SEZ6: variants seen among roughly 807,000 people sequenced by gnomAD.
SEZ6 encodes seizure protein 6 homolog.
Under a neutral mutation model 101.0 loss-of-function variants are expected in SEZ6, and 53 were observed. The ratio of observed to expected loss-of-function variants is 0.52; its 90% CI spans 0.42 to 0.66. The LOEUF is 0.66. Among genes scored for constraint, SEZ6 ranks in the 30% least tolerant of loss-of-function variants. SEZ6 has a pLI of 0.00. For missense variants in SEZ6, 1,102 were observed against 1,289.4 expected (o/e 0.85, Z 2.23); for synonymous variants, 488 against 512.2 (o/e 0.95, Z 0.64).
At chr17:28,966,643 G>C (rs1257040782) in intron 4 of SEZ6, among the ~76,000 whole-genome samples, 4 of 152,162 alleles carry the variant, frequency 2.6e-5, no homozygotes, top group African/African-American at 9.7e-5. Context: ...CTTGGGGTAG[G>C]GGGCAGCCCC....
intron 3 of SEZ6, among the ~76,000 whole-genome samples, chr17:28,972,700 A>G (rs183784957): frequency 6.6e-6 from 1 of 152,320 alleles, no homozygotes; most frequent in Admixed American, 6.5e-5. Flanking sequence ...AGATTCTGTG[A>G]TTCTAGAGTT....
chr17:28,992,867 T>C (rs964434599), intron 1 of SEZ6, among the ~76,000 whole-genome samples: 3 of 151,910 alleles, frequency 2.0e-5, no homozygotes, highest in Admixed American at 6.5e-5. Flanking sequence ...GGAGAGGTGA[T>C]GAATGAGGCC....
intron 1 of SEZ6, among the ~76,000 whole-genome samples, chr17:28,994,979 TCTC>T (rs1354149562): frequency 2.7e-5 from 4 of 150,126 alleles, no homozygotes; most frequent in Non-Finnish European, 5.9e-5. Flanking sequence ...TTCACTCCGT[TCTC>T]CTGCCTCAGC....
chr17:28,959,062 C>T lies in SEZ6; in HGVS notation c.2070G>A (p.Val690=). ...TGACGAAGCCCTGCTGGTAGCCCAG[C>T]ACTGAGGTCCCGGGGTCCGACTGGA... ...IQFQSDPGTS[V]LGYQQGFVIH... is the part of the protein sequence containing the mutation. Residue 690 remains valine (V), a synonymous_variant, in exon 10 of 17, where the codon GTG becomes GTA. Coordinates refer to ENST00000317338, the MANE Select transcript of SEZ6 (RefSeq NM_178860.5). This position sits in a 1 kb window ranked among gnomAD's most constrained non-coding sequence, Gnocchi z 4.4. The T allele has an allele frequency of 1.2e-6, 2 of 1,613,864 alleles. No individual in the cohort carries two copies. The highest frequency in any genetic ancestry group is 1.7e-6 in the Non-Finnish European group (2 of 1,179,790).
rs139422004 is a variant in SEZ6 at position 28,992,399 on chromosome 17, G to GGT, written c.56-10362_56-10361dup. 3.5e-3 allele frequency among the ~76,000 whole-genome samples: 525 copies of GGT among 151,546 alleles called. 2 individuals are homozygous for GGT. Among genetic ancestry groups the GGT allele is most frequent in the African/African-American group, 8.1e-3 (335 of 41,348 alleles). ...GGGCGTACGTGTGTGCATGAGACCG[G>GGT]GTGTGTGTGTGTGTGTTCAAGTGCA... On this transcript the variant is annotated intron_variant, in intron 1 of 16. Coordinates refer to ENST00000317338, the MANE Select transcript of SEZ6 (RefSeq NM_178860.5).
At position 28,960,938 on chromosome 17, in the gene SEZ6, C is replaced by T. The variant is rs781313150; in HGVS notation, c.1276G>A (p.Gly426Ser). Reference protein sequence around the residue: ...CGGVIRNATTGRIVSPGFPGN... With the variant: ...CGGVIRNATTSRIVSPGFPGN... ...GGGAAGCCTGGAGAGACGATGCGGC[C>T]GGTGGTGGCATTGCGGATCACTCCG... Residue 426 changes from glycine to serine, a missense_variant, in exon 6 of 17, where the codon GGC (glycine) becomes AGC (serine). Physicochemically the swap from Gly to Ser is moderately conservative, Grantham distance 56 (BLOSUM62 0). Around this residue, in one of 3 missense-constraint regions of SEZ6, gnomAD observed 556 missense variants for 735.1 expected, o/e 0.76. Coordinates refer to ENST00000317338, the MANE Select transcript of SEZ6 (RefSeq NM_178860.5). The T allele has an allele frequency of 1.2e-5, 20 of 1,613,658 alleles. No homozygotes were observed. Among genetic ancestry groups the T allele is most frequent in the Non-Finnish European group, 1.5e-5 (18 of 1,179,834 alleles).
At chr17:28,998,269 A>G (rs1303962954) in intron 1 of SEZ6, among the ~76,000 whole-genome samples, 1 of 151,772 alleles carries the variant, frequency 6.6e-6, no homozygotes, top group South Asian at 2.1e-4. Flanking sequence ...TTTCACAGTA[A>G]CCCCAAGTTC....
Position 28,960,821 on chromosome 17 carries a change from C to T in SEZ6, c.1393G>A (p.Ala465Thr). 1.2e-6 allele frequency: 2 copies of T among 1,613,882 alleles called. No individual in the cohort carries two copies. Among genetic ancestry groups the T allele is most frequent in the Non-Finnish European group, 1.7e-6 (2 of 1,179,820 alleles). ...GCCCCTCACCTGTCATCATCCTCTG[C>T]CAGGGAAACCTTCTCAAAGTGCAGG... ...LHLHFEKVSL[A>T]EDDDRLIIRN... Residue 465 changes from alanine (A) to threonine (T), a missense_variant, in exon 6 of 17, where the codon GCA becomes ACA. Physicochemically the swap from Ala to Thr is moderately conservative, Grantham distance 58. Transcript: ENST00000317338.
chr17:28,960,717 A>G (rs1276961628), intron 6 of SEZ6, 46 bp from the exon 7 acceptor site: 2 of 1,612,354 alleles, frequency 1.2e-6, no homozygotes, highest in Non-Finnish European at 1.7e-6. Context: ...GCTGACCCAG[A>G]TGGGGTGTGG....
chr17:28,969,737 T>C lies in SEZ6; in HGVS notation c.1054+20A>G, dbSNP rs368542024. 13 of 1,458,644 alleles carry C rather than the reference T, an allele frequency of 8.9e-6. No individual in the cohort carries two copies. In the Middle Eastern group the frequency reaches 5.5e-4, roughly 62 times the overall value. The allele number at this position is 1,458,644 out of a possible 1,614,324, so 90.4% of individuals were successfully genotyped here. A position where few individuals can be genotyped will look rare whatever the true frequency, so the allele number is the denominator to read the frequency against. ...GCAGCGAGTCTGGGCTGGTTCCACCTTCAACTACCCAGGCCTTACCTTGGT... is the reference window on the plus strand; with the variant it reads ...GCAGCGAGTCTGGGCTGGTTCCACCCTCAACTACCCAGGCCTTACCTTGGT... On this transcript the variant is annotated intron_variant, in intron 4 of 16. Transcript: ENST00000317338.
chr17:28,969,957 C>T lies in SEZ6; in HGVS notation c.859-5G>A. Reference sequence around the variant, plus strand: ...CCGGAGGCTGATATTCTGGACCTGTCAGTAGAGTAGAGAGAGAAAAGCAAA... The same window carrying T: ...CCGGAGGCTGATATTCTGGACCTGTTAGTAGAGTAGAGAGAGAAAAGCAAA... On this transcript the variant is annotated splice_region_variant and splice_polypyrimidine_tract_variant and intron_variant, in intron 3 of 16. Coordinates refer to ENST00000317338, the MANE Select transcript of SEZ6 (RefSeq NM_178860.5). 1 of 1,527,130 alleles carries T rather than the reference C, an allele frequency of 6.5e-7. No individual in the cohort carries two copies. The highest frequency in any genetic ancestry group is 8.7e-7 in the Non-Finnish European group (1 of 1,149,248). The allele number at this position is 1,527,130 out of a possible 1,614,324, so 94.6% of individuals were successfully genotyped here. A position where few individuals can be genotyped will look rare whatever the true frequency, so the allele number is the denominator to read the frequency against.
chr17:29,002,815 CG>C (rs1277191835), intron 1 of SEZ6, among the ~76,000 whole-genome samples: 1 of 152,214 alleles, frequency 6.6e-6, no homozygotes, highest in African/African-American at 2.4e-5. Flanking sequence ...AGGCAGCCCT[CG>C]TTTGTTAACC....
In SEZ6 at chr17:28,956,444, T is replaced by G; in HGVS notation, c.2755A>C (p.Ser919Arg). Residue 919 changes from serine (S) to arginine (R), a missense_variant, in exon 15 of 17, where the codon AGC becomes CGC. Transcript: ENST00000317338. ...GCAATGTGGGCAGCATCCAGGGTGC[T>G]GGAGGCAGCAGGTGCCTTGGCAACT... is the stretch of plus-strand genomic sequence containing the variant. ...LDVAKAPAAS[S>R]TLDAAHIAAA... The G allele has an allele frequency of 6.4e-7, 1 of 1,558,676 alleles. No homozygotes were observed. Among genetic ancestry groups the G allele is most frequent in the East Asian group, 2.4e-5 (1 of 41,580 alleles).
rs1393733772 is a variant in SEZ6, at chr17:28,969,918, A to G, written c.893T>C (p.Val298Ala). 1 of 1,544,782 alleles carries G rather than the reference A, an allele frequency of 6.5e-7. No homozygotes were observed. The highest frequency in any genetic ancestry group is 1.2e-5 in the South Asian group (1 of 80,498). Residue 298 changes from valine to alanine, a missense_variant, in exon 4 of 17, where the codon GTG becomes GCG. By Grantham distance (64) the Val-to-Ala change is moderately conservative. Around this residue, in one of 3 missense-constraint regions of SEZ6, gnomAD observed 406 missense variants for 418.6 expected, o/e 0.97. Transcript: ENST00000317338. ...QNISLREGET[V>A]TVEGLGGPDP... Reference sequence around the variant, plus strand: ...AGGCCCCCCCAGGCCTTCCACAGTCACTGTCTCCCCTTCCCGGAGGCTGAT... The same window carrying G: ...AGGCCCCCCCAGGCCTTCCACAGTCGCTGTCTCCCCTTCCCGGAGGCTGAT...
intron 1 of SEZ6, among the ~76,000 whole-genome samples, chr17:29,000,850 C>G (rs1044897781): frequency 1.3e-5 from 2 of 152,068 alleles, no homozygotes. Context: ...GTCAGGAATC[C>G]TGGGCTTTAC....
intron 2 of SEZ6, among the ~76,000 whole-genome samples, chr17:28,980,738 A>G (rs374753451): frequency 4.9e-4 from 74 of 151,618 alleles, no homozygotes; most frequent in African/African-American, 1.7e-3. Flanking sequence ...TTCTGATGTC[A>G]GGTGATCCAC....
chr17:28,993,127 C>T (rs1017910824), intron 1 of SEZ6, among the ~76,000 whole-genome samples: 2 of 152,074 alleles, frequency 1.3e-5, no homozygotes, highest in Non-Finnish European at 2.9e-5. Context: ...TTGGCATCAC[C>T]CCTCACCAGT....
At chr17:28,958,961 C>T (rs2040928023) in intron 10 of SEZ6, 64 bp downstream of exon 10, 1 of 1,531,590 alleles carries the variant, frequency 6.5e-7, no homozygotes, top group Non-Finnish European at 8.8e-7. Context: ...ACCTCACTGC[C>T]CTAGCCTCTT....
chr17:28,990,301 T>A (rs1259391430), intron 1 of SEZ6, among the ~76,000 whole-genome samples: 1 of 152,186 alleles, frequency 6.6e-6, no homozygotes, highest in Non-Finnish European at 1.5e-5. Flanking sequence ...CTTTACTCTG[T>A]CACCCAGACT....
Sources: allele counts gnomAD v4.1 joint callset (sites outside exome capture counted in the v4.1 genomes callset), GRCh38; gene constraint gnomAD v4.1.1; regional missense constraint gnomAD v4.1.1; non-coding constraint Gnocchi (gnomAD v3.1); transcripts MANE v1.5; gene names NCBI Gene and HGNC (gene_info 2026-07-23, HGNC 2026-07-21).